The following ARHGAP32 variants were observed in gnomAD, a reference collection of about 807,000 sequenced individuals.
ARHGAP32 encodes rho GTPase-activating protein 32.
ARHGAP32 carries 51 observed loss-of-function variants against 186.5 expected under a neutral mutation model. That is an observed-to-expected ratio of 0.27 (90% CI 0.22 to 0.35). ARHGAP32 has a LOEUF of 0.35. ARHGAP32 is among the 10% of genes least tolerant of loss of function. ARHGAP32 has a pLI of 1.00. For synonymous variants in ARHGAP32, 950 were observed against 964.3 expected, an observed-to-expected ratio of 0.99 and a Z score of 0.27; for missense variants, 2,186 against 2,623.5, an observed-to-expected ratio of 0.83 and a Z score of 3.64.
At chr11:129,020,867 T>C (rs1565379569) in intron 11 of ARHGAP32, among the ~76,000 whole-genome samples, 1 of 152,000 alleles carries the variant, frequency 6.6e-6, no homozygotes, top group South Asian at 2.1e-4. Flanking sequence ...TCACTTTTGA[T>C]CAATATATCA....
chr11:129,179,333 T>G (rs1422603085), intron 1 of ARHGAP32, among the ~76,000 whole-genome samples: 3 of 152,202 alleles, frequency 2.0e-5, no homozygotes, highest in Non-Finnish European at 2.9e-5. Context: ...GGAAAACTTT[T>G]ACACTGTTGC....
intron 6 of ARHGAP32, among the ~76,000 whole-genome samples, chr11:129,090,634 A>G (rs756514682): frequency 3.9e-5 from 6 of 152,176 alleles, no homozygotes; most frequent in Non-Finnish European, 8.8e-5. Flanking sequence ...ATTACAGCAC[A>G]GGTAGAAAAA....
chr11:129,022,340 G>C (rs1287169227), intron 11 of ARHGAP32, among the ~76,000 whole-genome samples: 1 of 152,078 alleles, frequency 6.6e-6, no homozygotes, highest in African/African-American at 2.4e-5. Flanking sequence ...GTGGAACTTT[G>C]ATACTATCAG....
chr11:129,279,572 G>C (rs1307810532), upstream of ARHGAP32, among the ~76,000 whole-genome samples: 1 of 145,742 alleles, frequency 6.9e-6, no homozygotes, highest in Non-Finnish European at 1.5e-5. Context: ...CGCCCGCCCA[G>C]CCTCCGCCTC....
chr11:129,121,601 T>C (rs1217479903), intron 5 of ARHGAP32, among the ~76,000 whole-genome samples: 2 of 152,004 alleles, frequency 1.3e-5, no homozygotes, highest in Non-Finnish European at 2.9e-5. Flanking sequence ...GGTCAATCAA[T>C]ACAATCCTGA....
intron 1 of ARHGAP32, among the ~76,000 whole-genome samples, chr11:129,268,257 T>C (rs760238680): frequency 6.6e-6 from 1 of 152,212 alleles, no homozygotes; most frequent in Non-Finnish European, 1.5e-5. Context: ...ACTAGCCATT[T>C]TTCACAGACA....
At chr11:129,012,485 C>G (rs1447966584) in intron 11 of ARHGAP32, among the ~76,000 whole-genome samples, 1 of 152,014 alleles carries the variant, frequency 6.6e-6, no homozygotes, top group Non-Finnish European at 1.5e-5. Flanking sequence ...AATAAAATTC[C>G]TTATCAAAAC....
chr11:128,967,656 T>C lies in ARHGAP32; in HGVS notation c.*1251A>G, dbSNP rs140922633. On this transcript the variant is annotated 3_prime_UTR_variant, in exon 23 of 23. Transcript: ENST00000682385. ...GCTATACCTGAAATGCTGGTGTAGA[T>C]GGTAATTACAAGAAGACTGTGACCA... The C allele has an allele frequency of 5.3e-5, 8 of 152,238 alleles. No individual in the cohort carries two copies. Among genetic ancestry groups the C allele is most frequent in the East Asian group, 1.9e-4 (1 of 5,188 alleles). 9.4% of individuals were successfully genotyped at this position (152,238 alleles called of 1,614,324 possible).
intron 19 of ARHGAP32, among the ~76,000 whole-genome samples, chr11:128,977,996 T>C (rs1281745053): frequency 6.6e-6 from 1 of 151,784 alleles, no homozygotes; most frequent in African/African-American, 2.4e-5. Flanking sequence ...GGATTACAGG[T>C]GTAAGCCACT....
intron 11 of ARHGAP32, among the ~76,000 whole-genome samples, chr11:129,026,183 A>AT (rs1938839559): frequency 6.6e-6 from 1 of 152,160 alleles, no homozygotes; most frequent in African/African-American, 2.4e-5. Flanking sequence ...GGTTTTGATA[A>AT]TGTACTACTA....
chr11:129,210,901 G>A (rs991271966), intron 1 of ARHGAP32, among the ~76,000 whole-genome samples: 1 of 152,140 alleles, frequency 6.6e-6, no homozygotes, highest in Non-Finnish European at 1.5e-5. Context: ...GAAGTTCACT[G>A]ACACAAGCCA....
At chr11:129,038,995 T>C (rs1169537427) in intron 11 of ARHGAP32, among the ~76,000 whole-genome samples, 2 of 150,130 alleles carry the variant, frequency 1.3e-5, no homozygotes, top group East Asian at 3.9e-4. Flanking sequence ...ATAAAATGAC[T>C]AAACATGATT....
intron 1 of ARHGAP32, among the ~76,000 whole-genome samples, chr11:129,201,556 A>G (rs992630626): frequency 6.6e-6 from 1 of 152,264 alleles, no homozygotes; most frequent in Non-Finnish European, 1.5e-5. Context: ...TACTATTTAT[A>G]TCTACGGATA....
intron 2 of ARHGAP32, among the ~76,000 whole-genome samples, chr11:129,126,574 T>A (rs1217774484): frequency 6.6e-6 from 1 of 152,196 alleles, no homozygotes; most frequent in Non-Finnish European, 1.5e-5. Context: ...CAAAGAAAGA[T>A]ACCTTATAAT....
chr11:129,149,773 T>A (rs1261490175), intron 2 of ARHGAP32, among the ~76,000 whole-genome samples: 1 of 151,910 alleles, frequency 6.6e-6, no homozygotes, highest in Non-Finnish European at 1.5e-5. Flanking sequence ...TAACAATGGA[T>A]CTGTACCTAG....
intron 10 of ARHGAP32, among the ~76,000 whole-genome samples, chr11:129,044,789 T>C (rs75283473): frequency 3.0e-4 from 45 of 152,152 alleles, no homozygotes; most frequent in Admixed American, 7.9e-4. Context: ...ATCTCTGTCT[T>C]AGTTTCCTAA....
chr11:128,970,515 G>A lies in ARHGAP32; in HGVS notation c.4698C>T (p.Cys1566=). ...AAGAAGACACATACTCGACCCGGCT[G>A]CATGGCTTGGAGTGGTGTCCAGATG... is the stretch of plus-strand genomic sequence containing the variant. The part of the protein sequence containing the change: ...RNASGHHSKP[C]SRVEYVSSLS... Residue 1566 remains cysteine, a synonymous_variant, in exon 23 of 23, where the codon TGC becomes TGT. Coordinates refer to ENST00000682385, the MANE Select transcript of ARHGAP32 (RefSeq NM_001378024.1). This position sits in a 1 kb window ranked among gnomAD's most constrained non-coding sequence, Gnocchi z 5.8. 2.5e-6 allele frequency: 4 copies of A among 1,614,212 alleles called. No individual in the cohort carries two copies. Among genetic ancestry groups the A allele is most frequent in the Non-Finnish European group, 3.4e-6 (4 of 1,180,040 alleles).
intron 11 of ARHGAP32, among the ~76,000 whole-genome samples, chr11:129,027,075 G>A (rs1938888603): frequency 6.6e-6 from 1 of 150,498 alleles, no homozygotes; most frequent in African/African-American, 2.4e-5. Context: ...CTCCAGCCTG[G>A]GCAACAGCGC....
Position 128,966,973 on chromosome 11 carries a change from TTGAC to T in ARHGAP32, c.*1930_*1933del, listed in dbSNP as rs1945235585. On this transcript the variant is annotated 3_prime_UTR_variant, in exon 23 of 23. Coordinates refer to ENST00000682385, the MANE Select transcript of ARHGAP32 (RefSeq NM_001378024.1). ...GTATCCTATCAGGTTTCCTAGCACTTTGACTGTAAAACAGTTGGTTCTGCACTTT... is the reference window on the plus strand; with the variant it reads ...GTATCCTATCAGGTTTCCTAGCACTTTGTAAAACAGTTGGTTCTGCACTTT... 2 of 152,232 alleles carry T rather than the reference TTGAC, an allele frequency of 1.3e-5. No homozygotes were observed. The highest frequency in any genetic ancestry group is 2.9e-5 in the Non-Finnish European group (2 of 68,046). 9.4% of individuals were successfully genotyped at this position (152,232 alleles called of 1,614,324 possible).
Sources: gnomAD v4.1 joint callset for allele counts (sites outside exome capture counted in the v4.1 genomes callset) on GRCh38, gnomAD v4.1.1 for gene constraint, Gnocchi (gnomAD v3.1) non-coding constraint, MANE v1.5 for transcripts, NCBI Gene and HGNC (gene_info 2026-07-23, HGNC 2026-07-21) for gene names.